The following DEPDC5 variants were observed in gnomAD, a reference collection of about 807,000 sequenced individuals.
DEPDC5 encodes GATOR1 complex protein DEPDC5.
DEPDC5 carries 73 observed loss-of-function variants against 217.3 expected under a neutral mutation model. The ratio of observed to expected loss-of-function variants is 0.34; its 90% CI spans 0.28 to 0.41. The LOEUF is 0.41. DEPDC5 is among the 10% of genes least tolerant of loss of function. The pLI is 1.00. For missense variants in DEPDC5, 1,675 were observed against 2,070.1 expected (o/e 0.81, Z 3.70); for synonymous variants, 733 against 756.7 (o/e 0.97, Z 0.51).
At position 31,907,696 on chromosome 22, in the gene DEPDC5, G is replaced by A. The variant is rs1158001330; in HGVS notation, c.*1199G>A. Reference sequence around the variant, plus strand: ...GAGCCACCATGCCCGGCCTAACTTAGATTTGCTGAGATAAGACTCAGCTTG... The same window carrying A: ...GAGCCACCATGCCCGGCCTAACTTAAATTTGCTGAGATAAGACTCAGCTTG... On this transcript the variant is annotated 3_prime_UTR_variant, in exon 43 of 43. Transcript: ENST00000651528. 6.6e-6 allele frequency: 1 copy of A among 152,314 alleles called. No individual in the cohort carries two copies. Among genetic ancestry groups the A allele is most frequent in the Non-Finnish European group, 1.5e-5 (1 of 68,204 alleles). The allele number at this position is 152,314 out of a possible 1,614,324, so 9.4% of individuals were successfully genotyped here.
At position 31,778,164 on chromosome 22, in the gene DEPDC5, C is replaced by A; in HGVS notation, c.479C>A (p.Thr160Asn). The A allele has an allele frequency of 6.2e-7, 1 of 1,613,878 alleles. No homozygotes were observed. Among genetic ancestry groups the A allele is most frequent in the Non-Finnish European group, 8.5e-7 (1 of 1,179,846 alleles). ...ATGTGTGGCTACATCAGTGAAGATA[C>A]CAGGGTAAGATTTATAAAATGCTTT... ...KVMCGYISED[T>N]RVVFRSTSAM... Residue 160 changes from threonine to asparagine, a missense_variant, in exon 8 of 43, where the codon ACC becomes AAC. Coordinates refer to ENST00000651528, the MANE Select transcript of DEPDC5 (RefSeq NM_001242896.3).
At chr22:31,805,212 ACCT>A (rs2087366926) in intron 17 of DEPDC5, 1 of 198,736 alleles carries the variant, frequency 5.0e-6, no homozygotes, top group Non-Finnish European at 1.0e-5. Context: ...TTTGTACCTG[ACCT>A]CCTTCAGCTC....
At chr22:31,869,793 A>G (rs1427411523) in intron 33 of DEPDC5, among the ~76,000 whole-genome samples, 5 of 152,118 alleles carry the variant, frequency 3.3e-5, no homozygotes. Flanking sequence ...GTGGTGGTTC[A>G]TGGGGAGACT....
chr22:31,819,029 G>A lies in DEPDC5; in HGVS notation c.1674G>A (p.Leu558=), dbSNP rs199560184. Residue 558 remains leucine (L), a synonymous_variant, in exon 22 of 43, where the codon CTG becomes CTA. Transcript: ENST00000651528. ...CTCCATGATAACTGGCAGATGTCCT[G>A]GAGAACATGATGGAGCCACCACAGC... is the stretch of plus-strand genomic sequence containing the variant. The part of the protein sequence containing the change: ...SLGYTSTRDV[L]ENMMEPPQRD... 21 of 1,614,054 alleles carry A rather than the reference G, an allele frequency of 1.3e-5. No homozygotes were observed. The highest frequency in any genetic ancestry group is 1.8e-5 in the Non-Finnish European group (21 of 1,180,030).
At chr22:31,828,955 A>T (rs1472731378) in intron 24 of DEPDC5, among the ~76,000 whole-genome samples, 1 of 152,200 alleles carries the variant, frequency 6.6e-6, no homozygotes, top group Non-Finnish European at 1.5e-5. Flanking sequence ...TGAACATGTG[A>T]TCTCTGCTAA....
At chr22:31,814,702 T>C (rs1458994555) in intron 20 of DEPDC5, 1 of 408,060 alleles carries the variant, frequency 2.5e-6, no homozygotes, top group Non-Finnish European at 4.5e-6. Context: ...TTTTTAGTGA[T>C]GAGAGATTAA....
At chr22:31,754,328 G>C (rs2075134294) in intron 1 of DEPDC5, among the ~76,000 whole-genome samples, 164 bp downstream of exon 1, 2 of 152,354 alleles carry the variant, frequency 1.3e-5, no homozygotes, top group South Asian at 4.1e-4. Flanking sequence ...AACGGAGTCA[G>C]GGAAGGTCTG....
At chr22:31,834,257 G>C (rs957465518) in intron 25 of DEPDC5, 2 of 434,358 alleles carry the variant, frequency 4.6e-6, no homozygotes, top group Non-Finnish European at 4.3e-6. Flanking sequence ...TCCAGAGCTG[G>C]CCTTCACCCT....
intron 27 of DEPDC5, among the ~76,000 whole-genome samples, chr22:31,841,749 C>A (rs892841909): frequency 6.6e-6 from 1 of 152,294 alleles, no homozygotes; most frequent in Non-Finnish European, 1.5e-5. Flanking sequence ...ACAGAAAAAG[C>A]GGAGAGTGGT....
Position 31,792,079 on chromosome 22 carries a change from C to CT in DEPDC5, c.674dup (p.Tyr226LeufsTer2). On this transcript the variant is annotated frameshift_variant, in exon 11 of 43. Coordinates refer to ENST00000651528, the MANE Select transcript of DEPDC5 (RefSeq NM_001242896.3). LOFTEE classifies it high-confidence loss of function. ...GTGACAGTGGTCCTGTTTTCTAGAA[C>CT]TTTCTATGATGCAAAATCTGTTGGT... is the stretch of plus-strand genomic sequence containing the variant. 6.2e-7 allele frequency: 1 copy of CT among 1,612,346 alleles called. No individual in the cohort carries two copies. Among genetic ancestry groups the CT allele is most frequent in the Admixed American group, 1.7e-5 (1 of 59,958 alleles).
rs1292359074 is a variant in DEPDC5, at chr22:31,855,400, G to A, written c.3156-2045G>A. Among the ~76,000 whole-genome samples, 6 of 143,508 alleles carry A rather than the reference G, an allele frequency of 4.2e-5. No individual in the cohort carries two copies. In the East Asian group the frequency reaches 8.3e-4, roughly 20 times the overall value. The allele number at this position is 143,508 out of a possible 152,430, so 94.1% of individuals were successfully genotyped here. On this transcript the variant is annotated intron_variant, in intron 31 of 42. Coordinates refer to ENST00000651528, the MANE Select transcript of DEPDC5 (RefSeq NM_001242896.3). Reference sequence around the variant, plus strand: ...TATTTCTTTTTTTTTTTTTTGCGACGGAGTCTCGCTCTGTCGCCCAGGCTG... The same window carrying A: ...TATTTCTTTTTTTTTTTTTTGCGACAGAGTCTCGCTCTGTCGCCCAGGCTG...
intron 20 of DEPDC5, chr22:31,813,784 C>T (rs2088733393): frequency 6.6e-6 from 1 of 151,816 alleles, no homozygotes; most frequent in African/African-American, 2.4e-5. Context: ...ATGTTGTCAG[C>T]CTTGTTTCAT....
intron 41 of DEPDC5, among the ~76,000 whole-genome samples, chr22:31,904,757 A>C (rs1181862734): frequency 6.6e-6 from 1 of 152,236 alleles, no homozygotes; most frequent in Admixed American, 6.5e-5. Flanking sequence ...TTGCAAAGGC[A>C]AAATCCAGAG....
chr22:31,847,035 C>G (rs1286273660), intron 31 of DEPDC5, 68 bp downstream of exon 31: 3 of 1,300,720 alleles, frequency 2.3e-6, no homozygotes, highest in Non-Finnish European at 3.1e-6. Flanking sequence ...GTGCCCTGTT[C>G]CCTTGAGGGG....
chr22:31,890,410 C>T (rs1416953576), intron 38 of DEPDC5: 1 of 152,042 alleles, frequency 6.6e-6, no homozygotes, highest in Non-Finnish European at 1.5e-5. Context: ...AACCATATAT[C>T]ATCATACAAA....
chr22:31,754,658 G>A (rs2075165463), intron 1 of DEPDC5, among the ~76,000 whole-genome samples: 1 of 152,218 alleles, frequency 6.6e-6, no homozygotes, highest in Admixed American at 6.5e-5. Context: ...CTAGCCCCTG[G>A]CCCGAATTCC....
At chr22:31,782,417 G>A (rs1405014445) in intron 8 of DEPDC5, among the ~76,000 whole-genome samples, 1 of 152,182 alleles carries the variant, frequency 6.6e-6, no homozygotes, top group Non-Finnish European at 1.5e-5. Context: ...GATTATGGGT[G>A]TCAGCCATCG....
intron 31 of DEPDC5, among the ~76,000 whole-genome samples, chr22:31,848,789 C>T (rs189328654): frequency 1.3e-5 from 2 of 152,312 alleles, no homozygotes; most frequent in East Asian, 3.9e-4. Context: ...TTTTCTGTCA[C>T]ATCATCAGGC....
chr22:31,822,787 G>T lies in DEPDC5; in HGVS notation c.2101G>T (p.Ala701Ser). 1 of 1,613,788 alleles carries T rather than the reference G, an allele frequency of 6.2e-7. No homozygotes were observed. The highest frequency in any genetic ancestry group is 8.5e-7 in the Non-Finnish European group (1 of 1,179,882). ...TGTCGGCCTGCTTAGCAACAGTGGT[G>T]CAGGTAACCAATCCAAGAGGTAATA... ...LSVGLLSNSG[A>S]GMNPRTQNKD... The change falls in exon 24 of 43, where the codon GCA becomes TCA. Residue 701 changes from alanine to serine, a missense_variant. Physicochemically the swap from Ala to Ser is moderately conservative, Grantham distance 99 (BLOSUM62 1). Coordinates refer to ENST00000651528, the MANE Select transcript of DEPDC5 (RefSeq NM_001242896.3).
Sources: gnomAD v4.1 joint callset for allele counts (sites outside exome capture counted in the v4.1 genomes callset) on GRCh38, gnomAD v4.1.1 for gene constraint, MANE v1.5 for transcripts, NCBI Gene and HGNC (gene_info 2026-07-23, HGNC 2026-07-21) for gene names.